Variants in HECTD2 observed in about 807,000 individuals in gnomAD.
The protein encoded by HECTD2 is HECT domain E3 ubiquitin protein ligase 2.
A neutral mutation model predicts 103.2 loss-of-function variants in HECTD2; 35 were observed. The ratio of observed to expected loss-of-function variants is 0.34; its 90% confidence interval spans 0.26 to 0.45. HECTD2 has a LOEUF of 0.45. Among genes scored for constraint, HECTD2 ranks in the 20% least tolerant of loss-of-function variants. The pLI, the probability that HECTD2 is intolerant of heterozygous loss-of-function variation, is 1.00. For synonymous variants in HECTD2, 281 were observed against 329.9 expected (o/e 0.85, Z 1.61); for missense variants, 596 against 937.4 (o/e 0.64, Z 4.76).
intron 2 of HECTD2, among the ~76,000 whole-genome samples, chr10:91,454,370 G>A (rs1265996262): frequency 2.0e-5 from 3 of 152,000 alleles, no homozygotes; most frequent in East Asian, 3.9e-4. Context: ...AATAACAGGA[G>A]CATCTCCAAA....
intron 2 of HECTD2, among the ~76,000 whole-genome samples, chr10:91,456,732 T>C (rs1029075031): frequency 6.6e-6 from 1 of 152,098 alleles, no homozygotes; most frequent in Non-Finnish European, 1.5e-5. Context: ...ATAGCTCTTA[T>C]TATTTTGAGA....
At chr10:91,507,330 A>G (rs1437101760) in intron 20 of HECTD2, among the ~76,000 whole-genome samples, 2 of 151,714 alleles carry the variant, frequency 1.3e-5, no homozygotes, top group African/African-American at 2.4e-5. Flanking sequence ...AGAGGAAGTC[A>G]AATTGTCCCT....
intron 20 of HECTD2, among the ~76,000 whole-genome samples, chr10:91,509,698 TCTTA>T (rs1847346935): frequency 6.6e-6 from 1 of 152,116 alleles, no homozygotes; most frequent in Non-Finnish European, 1.5e-5. Flanking sequence ...TACCACATAT[TCTTA>T]CTTGTAAGTG....
chr10:91,493,545 A>T, intron 14 of HECTD2, 37 bp downstream of exon 14: 1 of 1,072,216 alleles, frequency 9.3e-7, no homozygotes, highest in Non-Finnish European at 1.4e-6. Flanking sequence ...GTGCTAATAG[A>T]TTAGAGATTT....
At chr10:91,504,885 G>A (rs148895234) in intron 20 of HECTD2, among the ~76,000 whole-genome samples, 3,158 of 152,190 alleles carry the variant, frequency 0.021, 34 homozygotes, top group Non-Finnish European at 0.028. Flanking sequence ...GAGAAAGGTC[G>A]GTTTACCCTC....
At chr10:91,480,982 G>A (rs1846069364) in intron 6 of HECTD2, 112 bp from the exon 7 acceptor site, 1 of 638,756 alleles carries the variant, frequency 1.6e-6, no homozygotes. Context: ...ATTAATCCTA[G>A]TTTTTGGCTT....
Position 91,512,392 on chromosome 10 carries a change from G to A in HECTD2, c.*8G>A, listed in dbSNP as rs932475217. The A allele has an allele frequency of 6.2e-7, 1 of 1,610,892 alleles. No homozygotes were observed. The highest frequency in any genetic ancestry group is 1.7e-5 in the Admixed American group (1 of 59,912). ...GGTTTTGGACTTGAGTAACCTAGAA[G>A]ACTTGAAATATAATCTTTTATATGT... On this transcript the variant is annotated 3_prime_UTR_variant, in exon 21 of 21. Coordinates refer to ENST00000298068, the MANE Select transcript of HECTD2 (RefSeq NM_182765.6).
chr10:91,475,104 G>A (rs932708855), intron 5 of HECTD2, among the ~76,000 whole-genome samples: 2 of 152,180 alleles, frequency 1.3e-5, no homozygotes, highest in African/African-American at 2.4e-5. Context: ...GTATGGTAAT[G>A]GAAAGTCATT....
chr10:91,451,649 A>G (rs1232539326), intron 2 of HECTD2, among the ~76,000 whole-genome samples: 2 of 152,168 alleles, frequency 1.3e-5, no homozygotes, highest in African/African-American at 4.8e-5. Context: ...AAAGTTTGGA[A>G]ACCATTGCTG....
intron 14 of HECTD2, among the ~76,000 whole-genome samples, chr10:91,495,644 A>G (rs905037661): frequency 2.6e-5 from 4 of 152,050 alleles, no homozygotes; most frequent in African/African-American, 7.2e-5. Context: ...TAGCTTTTTA[A>G]CTTTGACACT....
chr10:91,510,204 A>G (rs1461079367), intron 20 of HECTD2, among the ~76,000 whole-genome samples: 1 of 152,204 alleles, frequency 6.6e-6, no homozygotes, highest in African/African-American at 2.4e-5. Flanking sequence ...TTTCCCCTAA[A>G]AGGGCATGAA....
At position 91,460,488 on chromosome 10, in the gene HECTD2, A is replaced by G; in HGVS notation, c.330A>G (p.Ala110=). 1.9e-6 allele frequency: 3 copies of G among 1,611,868 alleles called. No homozygotes were observed. Among genetic ancestry groups the G allele is most frequent in the Non-Finnish European group, 2.5e-6 (3 of 1,178,272 alleles). Residue 110 remains alanine, a synonymous_variant, in exon 3 of 21, where the codon GCA becomes GCG. Coordinates refer to ENST00000298068, the MANE Select transcript of HECTD2 (RefSeq NM_182765.6). ...AAAAACAGCGTACATCTATGGATGC[A>G]TCATCATCCGAAATGAAGGCCCCAG... The part of the protein sequence containing the change: ...VRQKQRTSMD[A]SSSEMKAPVL...
intron 5 of HECTD2, among the ~76,000 whole-genome samples, chr10:91,466,580 A>C (rs1328904954): frequency 6.6e-6 from 1 of 152,152 alleles, no homozygotes; most frequent in East Asian, 1.9e-4. Context: ...GCTATATCTC[A>C]CAAATTTTGA....
At chr10:91,433,792 G>A (rs1278706379) in intron 2 of HECTD2, among the ~76,000 whole-genome samples, 5 of 151,858 alleles carry the variant, frequency 3.3e-5, no homozygotes, top group African/African-American at 7.2e-5. Context: ...CCTAGCATTC[G>A]TGGTGCATGT....
intron 2 of HECTD2, among the ~76,000 whole-genome samples, chr10:91,439,877 T>C (rs1844322775): frequency 6.6e-6 from 1 of 152,156 alleles, no homozygotes; most frequent in Admixed American, 6.5e-5. Context: ...GATTTGGCTC[T>C]CTGTTTGTCT....
intron 2 of HECTD2, among the ~76,000 whole-genome samples, chr10:91,443,974 G>C (rs1011280783): frequency 6.6e-6 from 1 of 152,072 alleles, no homozygotes; most frequent in African/African-American, 2.4e-5. Flanking sequence ...GCTTCTTATA[G>C]ATTATATTTG....
At chr10:91,496,726 G>A (rs1471258094) in intron 15 of HECTD2, among the ~76,000 whole-genome samples, 1 of 151,944 alleles carries the variant, frequency 6.6e-6, no homozygotes, top group Non-Finnish European at 1.5e-5. Context: ...TATCAAATCT[G>A]TGCCAGCCTA....
chr10:91,472,785 TATTGAG>T (rs1364162871), intron 5 of HECTD2, among the ~76,000 whole-genome samples: 1 of 151,984 alleles, frequency 6.6e-6, no homozygotes, highest in African/African-American at 2.4e-5. Flanking sequence ...CTGTTACAGA[TATTGAG>T]ATTATGAACA....
At chr10:91,431,672 C>T (rs965490227) in intron 2 of HECTD2, among the ~76,000 whole-genome samples, 10 of 152,016 alleles carry the variant, frequency 6.6e-5, no homozygotes, top group Non-Finnish European at 1.3e-4. Flanking sequence ...TTGATCGCAT[C>T]GGCTCCTGAG....
Sources: gnomAD v4.1 joint callset for allele counts (sites outside exome capture counted in the v4.1 genomes callset) on GRCh38, gnomAD v4.1.1 for gene constraint, MANE v1.5 for transcripts, NCBI Gene and HGNC (gene_info 2026-07-23, HGNC 2026-07-21) for gene names.